The following CNTN5 variants were observed in gnomAD, a reference collection of about 807,000 sequenced individuals.
The protein encoded by CNTN5 is contactin-5.
In CNTN5, 77 loss-of-function variants were observed where a neutral mutation model predicts 129.1. That is an observed-to-expected ratio of 0.60 (90% CI 0.50 to 0.72). The LOEUF is 0.72. Ranked by LOEUF, CNTN5 falls within the 30% of genes least tolerant of loss-of-function variation. CNTN5 has a pLI of 0.00. For synonymous variants in CNTN5, 509 were observed against 465.6 expected (o/e 1.09, Z -1.20); for missense variants, 1,478 against 1,328.8 (o/e 1.11, Z -1.75).
At chr11:99,929,460 A>G (rs974095841) in intron 7 of CNTN5, among the ~76,000 whole-genome samples, 9 of 152,192 alleles carry the variant, frequency 5.9e-5, no homozygotes, top group South Asian at 2.1e-4. Flanking sequence ...CTGCTGTGAC[A>G]AAATACCTGA....
chr11:99,722,308 G>A (rs11221116), intron 3 of CNTN5, among the ~76,000 whole-genome samples: 48,595 of 151,984 alleles, frequency 0.32, 8,634 homozygotes, highest in East Asian at 0.68. Flanking sequence ...GCCATAACAA[G>A]GAATGAGATC....
chr11:99,072,109 T>C (rs568330204), intron 1 of CNTN5, among the ~76,000 whole-genome samples: 1 of 152,114 alleles, frequency 6.6e-6, no homozygotes, highest in Non-Finnish European at 1.5e-5. Context: ...GCAGAACTAC[T>C]CAATGTTGAT....
intron 3 of CNTN5, among the ~76,000 whole-genome samples, chr11:99,642,155 T>C (rs1951794534): frequency 6.6e-6 from 1 of 152,194 alleles, no homozygotes; most frequent in South Asian, 2.1e-4. Flanking sequence ...TGTTCCCTGC[T>C]GTGCTGAAAA....
intron 2 of CNTN5, among the ~76,000 whole-genome samples, chr11:99,357,301 G>A (rs1333572838): frequency 2.0e-5 from 3 of 152,020 alleles, no homozygotes; most frequent in Non-Finnish European, 4.4e-5. Flanking sequence ...AGCCACCAGC[G>A]TATACCTGAG....
At chr11:99,900,516 T>C (rs985245927) in intron 6 of CNTN5, among the ~76,000 whole-genome samples, 1 of 152,024 alleles carries the variant, frequency 6.6e-6, no homozygotes, top group Non-Finnish European at 1.5e-5. Flanking sequence ...CCAGAGGTTT[T>C]TGTATGTTAC....
intron 2 of CNTN5, among the ~76,000 whole-genome samples, chr11:99,513,954 GA>G (rs1289680226): frequency 6.6e-6 from 1 of 151,966 alleles, no homozygotes; most frequent in Non-Finnish European, 1.5e-5. Context: ...TGATTTCTTT[GA>G]TGGATTTTGG....
chr11:99,358,766 C>T (rs1938893247), intron 2 of CNTN5, among the ~76,000 whole-genome samples: 1 of 152,060 alleles, frequency 6.6e-6, no homozygotes, highest in African/African-American at 2.4e-5. Context: ...CATAGAACTT[C>T]AGACATTCAG....
chr11:99,729,865 G>T (rs1037140022), intron 3 of CNTN5, among the ~76,000 whole-genome samples: 1 of 152,078 alleles, frequency 6.6e-6, no homozygotes, highest in African/African-American at 2.4e-5. Flanking sequence ...ACATGGACAC[G>T]GGGAGGGGAA....
intron 20 of CNTN5, among the ~76,000 whole-genome samples, chr11:100,305,632 G>A (rs1951330915): frequency 6.6e-6 from 1 of 151,628 alleles, no homozygotes; most frequent in Non-Finnish European, 1.5e-5. Context: ...ACAATGGGAT[G>A]CCCAAAGCGA....
At chr11:100,145,787 A>G (rs969729674) in intron 13 of CNTN5, among the ~76,000 whole-genome samples, 5 of 152,100 alleles carry the variant, frequency 3.3e-5, no homozygotes, top group African/African-American at 9.7e-5. Flanking sequence ...GGCTTTCTCA[A>G]TAGACTCACT....
At chr11:100,226,067 A>G (rs1017868286) in intron 16 of CNTN5, among the ~76,000 whole-genome samples, 2 of 152,052 alleles carry the variant, frequency 1.3e-5, no homozygotes, top group Non-Finnish European at 1.5e-5. Flanking sequence ...TTTTCTTCAA[A>G]TTTATATCTA....
intron 13 of CNTN5, among the ~76,000 whole-genome samples, chr11:100,121,710 T>C (rs1367783906): frequency 6.6e-6 from 1 of 152,106 alleles, no homozygotes; most frequent in Admixed American, 6.6e-5. Context: ...ATTGATGTCC[T>C]GGACCTAATA....
At chr11:100,203,492 T>G (rs1948832419) in intron 15 of CNTN5, among the ~76,000 whole-genome samples, 1 of 152,054 alleles carries the variant, frequency 6.6e-6, no homozygotes, top group African/African-American at 2.4e-5. Flanking sequence ...AAGTATGCAT[T>G]TACAGCATTG....
intron 2 of CNTN5, among the ~76,000 whole-genome samples, chr11:99,518,759 T>A (rs1321311271): frequency 6.6e-6 from 1 of 152,106 alleles, no homozygotes; most frequent in Non-Finnish European, 1.5e-5. Flanking sequence ...CTTCTTTTCA[T>A]ATTTAATTTC....
chr11:99,815,110 G>C (rs1283512070), intron 3 of CNTN5, among the ~76,000 whole-genome samples: 1 of 152,080 alleles, frequency 6.6e-6, no homozygotes, highest in Non-Finnish European at 1.5e-5. Context: ...GGATTACGGA[G>C]ATTATAATTC....
intron 3 of CNTN5, among the ~76,000 whole-genome samples, chr11:99,809,003 G>A (rs1394441766): frequency 2.0e-5 from 3 of 152,086 alleles, no homozygotes; most frequent in Non-Finnish European, 4.4e-5. Context: ...AGCTACACAA[G>A]CAGGAGCCAG....
At chr11:99,258,041 CT>C (rs1565443573) in intron 1 of CNTN5, among the ~76,000 whole-genome samples, 1 of 152,022 alleles carries the variant, frequency 6.6e-6, no homozygotes, top group African/African-American at 2.4e-5. Flanking sequence ...CTTTCTCCCC[CT>C]GAACACCTAA....
intron 3 of CNTN5, among the ~76,000 whole-genome samples, chr11:99,811,802 A>G (rs1011384053): frequency 6.6e-6 from 1 of 152,088 alleles, no homozygotes; most frequent in African/African-American, 2.4e-5. Flanking sequence ...GGGCCACTTT[A>G]GAAATAACTT....
chr11:99,564,591 A>G (rs1948944860), intron 3 of CNTN5, among the ~76,000 whole-genome samples: 1 of 152,216 alleles, frequency 6.6e-6, no homozygotes, highest in Non-Finnish European at 1.5e-5. Flanking sequence ...AAGAAAATCT[A>G]AGCTATTATC....
Sources: gnomAD v4.1 joint callset for allele counts (sites outside exome capture counted in the v4.1 genomes callset) on GRCh38, gnomAD v4.1.1 for gene constraint, MANE v1.5 for transcripts, NCBI Gene and HGNC (gene_info 2026-07-23, HGNC 2026-07-21) for gene names.